Variants in TBK1 observed in about 807,000 individuals in gnomAD.
TBK1 encodes serine/threonine-protein kinase TBK1.
A neutral mutation model predicts 99.9 loss-of-function variants in TBK1; 37 were observed. The observed-to-expected ratio is 0.37, with a 90% CI of 0.28 to 0.49. The LOEUF (loss-of-function observed/expected upper bound fraction) is 0.49, where lower values mean the gene tolerates loss of function less well. Ranked by LOEUF, TBK1 falls within the 20% of genes least tolerant of loss-of-function variation. TBK1 has a pLI of 0.98. For missense variants in TBK1, 644 were observed against 872.5 expected (o/e 0.74, Z 3.30); for synonymous variants, 258 against 279.8 (o/e 0.92, Z 0.78).
intron 19 of TBK1, 97 bp downstream of exon 19, chr12:64,497,851 G>T: frequency 7.3e-7 from 1 of 1,373,270 alleles, no homozygotes; most frequent in Admixed American, 2.1e-5. Flanking sequence ...TATGTTTGTT[G>T]TAATACAATG....
At chr12:64,481,519 A>T (rs1339573421) in intron 7 of TBK1, among the ~76,000 whole-genome samples, 1 of 152,160 alleles carries the variant, frequency 6.6e-6, no homozygotes, top group Non-Finnish European at 1.5e-5. Context: ...CTGCTCAGGA[A>T]GCTGAGACAG....
chr12:64,455,655 T>C (rs2040478598), intron 1 of TBK1, among the ~76,000 whole-genome samples, 185 bp from the exon 2 acceptor site: 1 of 152,244 alleles, frequency 6.6e-6, no homozygotes, highest in Non-Finnish European at 1.5e-5. Context: ...GTTCATACCA[T>C]ATCAGTTAGC....
In TBK1 at chr12:64,485,934, A is replaced by G. The variant is rs2040816259; in HGVS notation, c.1257A>G (p.Thr419=). The change falls in exon 11 of 21, where the codon ACA becomes ACG. Residue 419 remains threonine, a synonymous_variant. Transcript: ENST00000331710. The part of the protein sequence containing the change: ...DGDASMAKAI[T]GVVCYACRIA... ...TTTTATTTCTTTATTAGGCAATAAC[A>G]GGGGTTGTGTGTTATGCCTGCAGAA... The G allele has an allele frequency of 1.9e-6, 3 of 1,573,442 alleles. No individual in the cohort carries two copies. Among genetic ancestry groups the G allele is most frequent in the Admixed American group, 1.9e-5 (1 of 53,210 alleles).
intron 9 of TBK1, 45 bp downstream of exon 9, chr12:64,484,544 A>C (rs750301863): frequency 1.3e-6 from 2 of 1,552,878 alleles, no homozygotes; most frequent in South Asian, 1.2e-5. Context: ...CATTAGAAAA[A>C]TACAGCCAGC....
chr12:64,479,929 T>C (rs548836580), intron 6 of TBK1, 83 bp from the exon 7 acceptor site: 22 of 820,106 alleles, frequency 2.7e-5, no homozygotes, highest in Admixed American at 4.9e-5. Context: ...GTAGGTGCAA[T>C]TGAGGAAATA....
At chr12:64,475,686 G>C (rs1453921006) in intron 6 of TBK1, among the ~76,000 whole-genome samples, 1 of 152,150 alleles carries the variant, frequency 6.6e-6, no homozygotes, top group Admixed American at 6.5e-5. Context: ...TGCTGCAAAG[G>C]ATATGATTTC....
At chr12:64,462,981 G>T (rs936671997) in intron 3 of TBK1, among the ~76,000 whole-genome samples, 1 of 152,112 alleles carries the variant, frequency 6.6e-6, no homozygotes, top group Non-Finnish European at 1.5e-5. Flanking sequence ...TTATTTTTAA[G>T]GATAGGACTC....
chr12:64,493,201 G>A (rs2136085198), intron 13 of TBK1, among the ~76,000 whole-genome samples: 1 of 152,004 alleles, frequency 6.6e-6, no homozygotes, highest in South Asian at 2.1e-4. Context: ...GCTTCGTAGT[G>A]GAGACCTTAC....
chr12:64,464,362 T>C lies in TBK1; in HGVS notation c.257T>C (p.Met86Thr), dbSNP rs773718702. ...ETTTRHKVLIMEFCPCGSLYT... is the reference protein window; with the variant it reads ...ETTTRHKVLITEFCPCGSLYT... The stretch of plus-strand genomic sequence containing the variant: ...ACAACAAGACATAAAGTACTTATTA[T>C]GGAATTTTGTCCATGTGGGAGTTTA... Residue 86 changes from methionine to threonine, a missense_variant, in exon 4 of 21, where the codon ATG becomes ACG. By Grantham distance (81) the Met-to-Thr change is moderately conservative (BLOSUM62 -1). Transcript: ENST00000331710. 3 of 1,601,840 alleles carry C rather than the reference T, an allele frequency of 1.9e-6. No individual in the cohort carries two copies. Among genetic ancestry groups the C allele is most frequent in the Non-Finnish European group, 1.7e-6 (2 of 1,175,012 alleles).
chr12:64,454,948 A>C (rs1592350024), intron 1 of TBK1, among the ~76,000 whole-genome samples: 1 of 146,086 alleles, frequency 6.8e-6, no homozygotes, highest in African/African-American at 2.5e-5. Context: ...AAGTGCTGGG[A>C]TTACAGGCGT....
At position 64,497,267 on chromosome 12, in the gene TBK1, C is replaced by A; in HGVS notation, c.1959+8C>A. 6.6e-7 allele frequency: 1 copy of A among 1,516,024 alleles called. No individual in the cohort carries two copies. The highest frequency in any genetic ancestry group is 8.9e-7 in the Non-Finnish European group (1 of 1,127,196). 93.9% of individuals were successfully genotyped at this position (1,516,024 alleles called of 1,614,324 possible). Reference sequence around the variant, plus strand: ...CAAGAATATACTAATGAGGTAGGTACAGCTGTCAAGGAAAAATTAAAATTC... The same window carrying A: ...CAAGAATATACTAATGAGGTAGGTAAAGCTGTCAAGGAAAAATTAAAATTC... On this transcript the variant is annotated splice_region_variant and intron_variant, in intron 18 of 20. Transcript: ENST00000331710.
chr12:64,489,474 TTG>T (rs1302629930), intron 12 of TBK1, among the ~76,000 whole-genome samples: 1 of 152,194 alleles, frequency 6.6e-6, no homozygotes, highest in Non-Finnish European at 1.5e-5. Flanking sequence ...TGAAATTAAT[TTG>T]TCTTTTCTGT....
At chr12:64,464,554 T>C in intron 4 of TBK1, 91 bp downstream of exon 4, 1 of 987,184 alleles carries the variant, frequency 1.0e-6, no homozygotes, top group South Asian at 2.2e-5. Flanking sequence ...CTGAAGACCT[T>C]TATGCAATGC....
chr12:64,496,811 T>C, intron 16 of TBK1, 138 bp from the exon 17 acceptor site: 1 of 618,948 alleles, frequency 1.6e-6, no homozygotes, highest in Non-Finnish European at 2.8e-6. Flanking sequence ...CTTAGAAACG[T>C]TTACTTTCTC....
chr12:64,485,921 A>C lies in TBK1; in HGVS notation c.1249-5A>C. The stretch of plus-strand genomic sequence containing the variant: ...CCAAATATTGACATTTTATTTCTTT[A>C]TTAGGCAATAACAGGGGTTGTGTGT... On this transcript the variant is annotated splice_region_variant and splice_polypyrimidine_tract_variant and intron_variant, in intron 10 of 20. Transcript: ENST00000331710. 3.9e-6 allele frequency: 6 copies of C among 1,556,874 alleles called. No homozygotes were observed. The highest frequency in any genetic ancestry group is 1.4e-5 in the African/African-American group (1 of 71,612).
At chr12:64,464,508 A>G (rs773700653) in intron 4 of TBK1, 45 bp downstream of exon 4, 46 of 1,429,208 alleles carry the variant, frequency 3.2e-5, no homozygotes, top group African/African-American at 5.8e-5. Flanking sequence ...ATAAAATTTA[A>G]TAACAGAATT....
chr12:64,495,493 C>T lies in TBK1; in HGVS notation c.1532C>T (p.Ser511Phe), dbSNP rs781232726. 1 of 1,613,396 alleles carries T rather than the reference C, an allele frequency of 6.2e-7. No homozygotes were observed. The highest frequency in any genetic ancestry group is 8.5e-7 in the Non-Finnish European group (1 of 1,179,756). Residue 511 changes from serine to phenylalanine, a missense_variant, in exon 14 of 21, where the codon TCT (serine) becomes TTT (phenylalanine). By Grantham distance (155) the Ser-to-Phe change is radical. Around this residue, in one of 3 missense-constraint regions of TBK1, gnomAD observed 465 missense variants for 588.0 expected, o/e 0.79. Coordinates refer to ENST00000331710, the MANE Select transcript of TBK1 (RefSeq NM_013254.4). ...TTTGGTTTTATTTAGCTTTCCAGTT[C>T]TCAGGGAACAATAGAAACCAGTCTT... ...IHTKLLRLSSSQGTIETSLQD... is the reference protein window; with the variant it reads ...IHTKLLRLSSFQGTIETSLQD...
chr12:64,454,672 C>CTTTTTT lies in TBK1; in HGVS notation c.-31-1151_-31-1146dup, dbSNP rs11358053. ...CTTGAATATTGCTAGAAACTCAGAT[C>CTTTTTT]TTTTTTTTTTTTTTTTTTTTTTGAG... On this transcript the variant is annotated intron_variant, in intron 1 of 20. Coordinates refer to ENST00000331710, the MANE Select transcript of TBK1 (RefSeq NM_013254.4). Among the ~76,000 whole-genome samples, 29 of 83,640 alleles carry CTTTTTT rather than the reference C, an allele frequency of 3.5e-4. 1 individual carries two copies. The highest frequency in any genetic ancestry group is 5.2e-4 in the Admixed American group (3 of 5,756). The allele number at this position is 83,640 out of a possible 152,430, so 54.9% of individuals were successfully genotyped here.
chr12:64,461,433 T>C (rs1007524630), intron 3 of TBK1, among the ~76,000 whole-genome samples: 2 of 152,222 alleles, frequency 1.3e-5, no homozygotes, highest in African/African-American at 4.8e-5. Context: ...AAATGTAGTT[T>C]ATACTCTTTA....
Sources: allele counts gnomAD v4.1 joint callset (sites outside exome capture counted in the v4.1 genomes callset), GRCh38; gene constraint gnomAD v4.1.1; regional missense constraint gnomAD v4.1.1; transcripts MANE v1.5; gene names NCBI Gene and HGNC (gene_info 2026-07-23, HGNC 2026-07-21).